Variants in BTBD7 observed in about 807,000 individuals in gnomAD.
BTBD7 encodes BTB/POZ domain-containing protein 7.
Under a neutral mutation model 99.9 loss-of-function variants are expected in BTBD7, and 38 were observed. The ratio of observed to expected loss-of-function variants is 0.38; its 90% CI spans 0.29 to 0.50. The LOEUF (loss-of-function observed/expected upper bound fraction) is 0.50, where lower values mean the gene tolerates loss of function less well. BTBD7 is among the 20% of genes least tolerant of loss of function. BTBD7 has a pLI of 0.93. For synonymous variants in BTBD7, 520 were observed against 511.4 expected (o/e 1.02, Z -0.23); for missense variants, 1,170 against 1,394.6 (o/e 0.84, Z 2.57).
intron 3 of BTBD7, among the ~76,000 whole-genome samples, chr14:93,278,943 A>T (rs2052687635): frequency 6.6e-6 from 1 of 152,232 alleles, no homozygotes; most frequent in Admixed American, 6.5e-5. Context: ...CAGTGCCTGA[A>T]AAAGAACAGG....
At chr14:93,321,862 A>G (rs12432088) in intron 1 of BTBD7, among the ~76,000 whole-genome samples, 2,555 of 152,274 alleles carry the variant, frequency 0.017, 77 homozygotes, top group African/African-American at 0.059. Context: ...CTGACAATAG[A>G]AAGTGTGAGC....
rs1198441416 is a variant in BTBD7 at position 93,263,811 on chromosome 14, T to C, written c.1345A>G (p.Thr449Ala). 2.5e-6 allele frequency: 4 copies of C among 1,614,150 alleles called. No individual in the cohort carries two copies. Residue 449 changes from threonine to alanine, a missense_variant, in exon 4 of 11, where the codon ACT becomes GCT. Thr to Ala is a moderately conservative substitution (Grantham distance 58, BLOSUM62 0). Coordinates refer to ENST00000334746, the MANE Select transcript of BTBD7 (RefSeq NM_001002860.4). ...FYELSKDHLL[T>A]AIQSDYLQAS... Reference sequence around the variant, plus strand: ...TGTAGGTAGTCAGACTGGATAGCAGTAAGCAGATGGTCTTTGCTGAGTTCA... The same window carrying C: ...TGTAGGTAGTCAGACTGGATAGCAGCAAGCAGATGGTCTTTGCTGAGTTCA...
At chr14:93,303,408 A>G (rs1181402894) in intron 1 of BTBD7, among the ~76,000 whole-genome samples, 11 of 152,012 alleles carry the variant, frequency 7.2e-5, no homozygotes, top group Admixed American at 7.2e-4. Flanking sequence ...GTTCGAGACC[A>G]GCCTGAACAA....
chr14:93,321,991 G>A (rs2053275937), intron 1 of BTBD7, among the ~76,000 whole-genome samples: 1 of 152,124 alleles, frequency 6.6e-6, no homozygotes, highest in Non-Finnish European at 1.5e-5. Context: ...CTGGATTCCT[G>A]AAGGAAATAA....
intron 3 of BTBD7, among the ~76,000 whole-genome samples, chr14:93,265,831 A>G (rs941069038): frequency 1.3e-5 from 2 of 152,224 alleles, no homozygotes; most frequent in Non-Finnish European, 2.9e-5. Context: ...CTGAGGCAGG[A>G]GAATTGCTTG....
chr14:93,250,126 A>G (rs1041227896), intron 8 of BTBD7, among the ~76,000 whole-genome samples: 1 of 152,188 alleles, frequency 6.6e-6, no homozygotes, highest in African/African-American at 2.4e-5. Context: ...TGAGCCCCCT[A>G]ATCCTCTGCA....
At chr14:93,258,089 G>C (rs907819044) in intron 5 of BTBD7, among the ~76,000 whole-genome samples, 1 of 151,564 alleles carries the variant, frequency 6.6e-6, no homozygotes, top group Non-Finnish European at 1.5e-5. Flanking sequence ...TTTAATCTAG[G>C]GGTCTGTAAT....
chr14:93,243,005 T>C lies in BTBD7; in HGVS notation c.2667A>G (p.Pro889=). ...TTAATTCTGTGTCTACAGCAAGCTC[T>C]GGAAGCCTCCTGTCCTTGAGTGACA... ...STLSLKDRRL[P]ELAVDTELSQ... Residue 889 remains proline, a synonymous_variant, in exon 11 of 11, where the codon CCA becomes CCG. Coordinates refer to ENST00000334746, the MANE Select transcript of BTBD7 (RefSeq NM_001002860.4). The C allele has an allele frequency of 6.2e-7, 1 of 1,614,190 alleles. No homozygotes were observed.
rs1445986053 is a variant in BTBD7, at chr14:93,246,269, A to C, written c.2139T>G (p.Phe713Leu). 4 of 1,506,770 alleles carry C rather than the reference A, an allele frequency of 2.7e-6. No homozygotes were observed. The highest frequency in any genetic ancestry group is 2.3e-5 in the East Asian group (1 of 43,586). 93.3% of individuals were successfully genotyped at this position (1,506,770 alleles called of 1,614,324 possible). Reference protein sequence around the residue: ...AELLQNPHKFFPDERFGDESP... With the variant: ...AELLQNPHKFLPDERFGDESP... ...TTTCATCCCCAAAACGTTCATCAGG[A>C]AAGAATTTGTGAGGATTCTAAAAAA... is the stretch of plus-strand genomic sequence containing the variant. Residue 713 changes from phenylalanine to leucine, a missense_variant, in exon 10 of 11, where the codon TTT (phenylalanine) becomes TTG (leucine). Coordinates refer to ENST00000334746, the MANE Select transcript of BTBD7 (RefSeq NM_001002860.4).
intron 10 of BTBD7, among the ~76,000 whole-genome samples, 198 bp from the exon 11 acceptor site, chr14:93,243,286 C>T (rs1303966894): frequency 5.3e-5 from 8 of 151,938 alleles, no homozygotes; most frequent in Admixed American, 4.6e-4. Flanking sequence ...CTCTGCCTCC[C>T]GGGTTCAAGT....
Position 93,302,969 on chromosome 14 carries a change from T to C in BTBD7, c.-106-6812A>G, listed in dbSNP as rs572653206. On this transcript the variant is annotated intron_variant, in intron 1 of 10. Transcript: ENST00000334746. Reference sequence around the variant, plus strand: ...TTGAGGTTGCAGTGAGCTATGAGCATGCCAGTGCACTGCAGCCTGGGTGAC... The same window carrying C: ...TTGAGGTTGCAGTGAGCTATGAGCACGCCAGTGCACTGCAGCCTGGGTGAC... Among the ~76,000 whole-genome samples the C allele has an allele frequency of 2.0e-5, 3 of 152,180 alleles. No individual in the cohort carries two copies. In the South Asian group the frequency reaches 6.2e-4, roughly 32 times the overall value.
intron 3 of BTBD7, among the ~76,000 whole-genome samples, chr14:93,291,511 TGTTAAA>T (rs1418021503): frequency 1.3e-5 from 2 of 152,156 alleles, no homozygotes; most frequent in African/African-American, 2.4e-5. Context: ...ATAAAAATTA[TGTTAAA>T]GTTATAGTCT....
At chr14:93,259,888 C>T (rs960435707) in intron 5 of BTBD7, among the ~76,000 whole-genome samples, 22 of 152,004 alleles carry the variant, frequency 1.4e-4, no homozygotes, top group African/African-American at 3.4e-4. Flanking sequence ...GAGCTGAGAT[C>T]GCGCCACTGT....
At position 93,332,839 on chromosome 14, in the gene BTBD7, G is replaced by A. The variant is rs750581727; in HGVS notation, c.-126C>T. The A allele has an allele frequency of 8.1e-6, 12 of 1,477,704 alleles. No homozygotes were observed. In the East Asian group the frequency reaches 1.8e-4, roughly 22 times the overall value. The allele number at this position is 1,477,704 out of a possible 1,614,324, so 91.5% of individuals were successfully genotyped here. ...ACTCACCCCGGAGGCTCCTCCCGCC[G>A]CTGCTGCTGCCGCTGGGACCGCTGC... On this transcript the variant is annotated 5_prime_UTR_variant, in exon 1 of 11. Transcript: ENST00000334746.
chr14:93,271,264 T>C (rs17094891), intron 3 of BTBD7, among the ~76,000 whole-genome samples: 32,139 of 152,104 alleles, frequency 0.21, 3,503 homozygotes, highest in East Asian at 0.38. Context: ...TGCCACCCTA[T>C]TTGTTTCACC....
At position 93,317,169 on chromosome 14, in the gene BTBD7, C is replaced by T. The variant is rs1049765891; in HGVS notation, c.-107+15651G>A. On this transcript the variant is annotated intron_variant, in intron 1 of 10. Transcript: ENST00000334746. ...TACAGCCATGTGCCACCACACCCAA[C>T]TAATTTTTTATTTTTAGTAGAGATG... Among the ~76,000 whole-genome samples the T allele has an allele frequency of 2.0e-5, 3 of 152,234 alleles. No homozygotes were observed. The South Asian group carries it at 6.2e-4, about 32-fold the overall frequency.
In BTBD7 at chr14:93,242,641, G is replaced by A; in HGVS notation, c.3031C>T (p.Leu1011Phe). The A allele has an allele frequency of 1.2e-6, 2 of 1,613,926 alleles. No homozygotes were observed. The highest frequency in any genetic ancestry group is 8.5e-7 in the Non-Finnish European group (1 of 1,179,984). ...KQEEARREYP[L>F]SPDGHLHRQK... The stretch of plus-strand genomic sequence containing the variant: ...CTGTGTAGATGCCCGTCAGGGGAAA[G>A]TGGATATTCTCTCCTAGCTTCTTCC... Residue 1011 changes from leucine (L) to phenylalanine (F), a missense_variant, in exon 11 of 11, where the codon CTT becomes TTT. Physicochemically the swap from Leu to Phe is conservative, Grantham distance 22. Transcript: ENST00000334746.
At chr14:93,286,191 A>G (rs2052774961) in intron 3 of BTBD7, among the ~76,000 whole-genome samples, 1 of 152,236 alleles carries the variant, frequency 6.6e-6, no homozygotes, top group Non-Finnish European at 1.5e-5. Context: ...AACCCTGACT[A>G]GAGAAGGCTG....
chr14:93,245,914 C>G lies in BTBD7; in HGVS notation c.2494G>C (p.Gly832Arg). ...GCAGCCACCGTCTGTCTGCCCAGTC[C>G]TGCAGTGCTGGTACAATCAGGCGGT... ...AAPPDCTSTA[G>R]LGRQTVAAAA... The change falls in exon 10 of 11, where the codon GGA becomes CGA. Residue 832 changes from glycine to arginine, a missense_variant. Around this residue, in one of 4 missense-constraint regions of BTBD7, gnomAD observed 495 missense variants for 525.9 expected, o/e 0.94. Coordinates refer to ENST00000334746, the MANE Select transcript of BTBD7 (RefSeq NM_001002860.4). 2 of 1,614,156 alleles carry G rather than the reference C, an allele frequency of 1.2e-6. No homozygotes were observed. Among genetic ancestry groups the G allele is most frequent in the South Asian group, 2.2e-5 (2 of 91,084 alleles).
Sources: gnomAD v4.1 joint callset for allele counts (sites outside exome capture counted in the v4.1 genomes callset) on GRCh38, gnomAD v4.1.1 for gene constraint, gnomAD v4.1.1 regional missense constraint, MANE v1.5 for transcripts, NCBI Gene and HGNC (gene_info 2026-07-23, HGNC 2026-07-21) for gene names.